PAPOLG: variants seen among roughly 807,000 people sequenced by gnomAD.
PAPOLG encodes the protein poly(A) polymerase gamma, also known as PAP-gamma.
PAPOLG carries 40 observed loss-of-function variants against 99.0 expected under a neutral mutation model. The observed-to-expected ratio is 0.40, with a 90% CI of 0.31 to 0.53. The LOEUF (loss-of-function observed/expected upper bound fraction) is 0.53. PAPOLG is among the 20% of genes least tolerant of loss of function. PAPOLG has a pLI of 0.41. For synonymous variants in PAPOLG, 310 were observed against 299.3 expected (o/e 1.04, Z -0.37); for missense variants, 675 against 884.1 (o/e 0.76, Z 3.00).
At chr2:60,759,847 G>A (rs767649713) in intron 1 of PAPOLG, among the ~76,000 whole-genome samples, 5 of 152,198 alleles carry the variant, frequency 3.3e-5, no homozygotes, top group Non-Finnish European at 7.3e-5. Context: ...CAAACTCTGG[G>A]TTTGAGCTGA....
At chr2:60,780,348 T>C (rs1016824030) in intron 9 of PAPOLG, among the ~76,000 whole-genome samples, 1 of 150,746 alleles carries the variant, frequency 6.6e-6, no homozygotes, top group South Asian at 2.1e-4. Flanking sequence ...GCATCTCAGC[T>C]CACTGCAGCC....
chr2:60,772,386 G>T (rs1205360242), intron 7 of PAPOLG, among the ~76,000 whole-genome samples: 3 of 151,330 alleles, frequency 2.0e-5, no homozygotes, highest in Non-Finnish European at 2.9e-5. Context: ...GGTGGAGGCT[G>T]CAGTGAGCCG....
At chr2:60,760,543 A>G (rs1670493481) in intron 2 of PAPOLG, among the ~76,000 whole-genome samples, 2 of 152,324 alleles carry the variant, frequency 1.3e-5, no homozygotes, top group South Asian at 4.1e-4. Flanking sequence ...CTGAGGGGGT[A>G]GAGGTTTCAG....
At chr2:60,789,759 G>A (rs1314898900) in intron 15 of PAPOLG, among the ~76,000 whole-genome samples, 1 of 152,142 alleles carries the variant, frequency 6.6e-6, no homozygotes, top group Admixed American at 6.5e-5. Context: ...TGGGTTTTCT[G>A]AATTCTTTTG....
At chr2:60,790,075 CAA>C (rs1558714701) in intron 15 of PAPOLG, among the ~76,000 whole-genome samples, 1 of 152,138 alleles carries the variant, frequency 6.6e-6, no homozygotes, top group Non-Finnish European at 1.5e-5. Context: ...GCCTGGGCAA[CAA>C]GAGCGAAACT....
At chr2:60,788,828 T>A (rs143708762) in intron 15 of PAPOLG, among the ~76,000 whole-genome samples, 1,550 of 151,934 alleles carry the variant, frequency 0.01, 43 homozygotes, top group African/African-American at 0.035. Context: ...AAACCCCATC[T>A]CTACAAAAAA....
intron 21 of PAPOLG, among the ~76,000 whole-genome samples, chr2:60,796,731 T>G (rs1007356690): frequency 4.2e-4 from 64 of 150,746 alleles, no homozygotes; most frequent in African/African-American, 1.5e-3. Context: ...CTTTTTTTTT[T>G]CTTTGCTTGA....
chr2:60,764,090 A>ACCAT (rs897945668), intron 3 of PAPOLG, among the ~76,000 whole-genome samples: 35 of 152,322 alleles, frequency 2.3e-4, no homozygotes, highest in Admixed American at 6.5e-4. Context: ...GGCATGAGCC[A>ACCAT]CCATGCCCTG....
intron 21 of PAPOLG, among the ~76,000 whole-genome samples, chr2:60,796,498 G>A: frequency 6.6e-6 from 1 of 151,924 alleles, no homozygotes; most frequent in East Asian, 1.9e-4. Flanking sequence ...TCAAACCGAT[G>A]TCCCTGAATT....
At chr2:60,766,288 A>AT (rs1670672347) in intron 3 of PAPOLG, among the ~76,000 whole-genome samples, 1 of 152,220 alleles carries the variant, frequency 6.6e-6, no homozygotes, top group Non-Finnish European at 1.5e-5. Flanking sequence ...AGGAAAAAAA[A>AT]GCTTGTTAGG....
chr2:60,756,518 T>TG, intron 1 of PAPOLG, 23 bp downstream of exon 1: 2 of 1,262,108 alleles, frequency 1.6e-6, no homozygotes, highest in Non-Finnish European at 2.2e-6. Flanking sequence ...GGGCGGCGGT[T>TG]GGGGTGAGGC....
At position 60,760,278 on chromosome 2, in the gene PAPOLG, G is replaced by A. The variant is rs772400157; in HGVS notation, c.162G>A (p.Glu54=). 2 of 1,612,868 alleles carry A rather than the reference G, an allele frequency of 1.2e-6. No individual in the cohort carries two copies. Among genetic ancestry groups the A allele is most frequent in the South Asian group, 2.2e-5 (2 of 90,916 alleles). The change falls in exon 2 of 22, where the codon GAG becomes GAA. Residue 54 remains glutamate, a synonymous_variant. Coordinates refer to ENST00000238714, the MANE Select transcript of PAPOLG (RefSeq NM_022894.4). ...AACCATTTGGAGTGTTTGAAGATGA[G>A]GAAGAATTGAACCACAGGTATGTCA... is the stretch of plus-strand genomic sequence containing the variant. ...AMKPFGVFED[E]EELNHRLVVL...
At chr2:60,795,049 A>G (rs1472881878) in intron 21 of PAPOLG, 29 bp downstream of exon 21, 2 of 1,557,812 alleles carry the variant, frequency 1.3e-6, no homozygotes, top group African/African-American at 1.4e-5. Flanking sequence ...TCATAGGTAC[A>G]GTACATAGGT....
intron 16 of PAPOLG, 71 bp from the exon 17 acceptor site, chr2:60,792,058 C>G (rs1230513719): frequency 6.6e-7 from 1 of 1,506,794 alleles, no homozygotes; most frequent in Non-Finnish European, 8.9e-7. Context: ...CTTAAGTGAC[C>G]TTCAGAATTG....
intron 9 of PAPOLG, 165 bp from the exon 10 acceptor site, chr2:60,780,542 C>T (rs1464228778): frequency 4.9e-6 from 1 of 203,794 alleles, no homozygotes; most frequent in African/African-American, 2.4e-5. Flanking sequence ...TCCCAGAGTA[C>T]TGGGATTACA....
intron 3 of PAPOLG, among the ~76,000 whole-genome samples, chr2:60,766,306 G>A (rs547615519): frequency 2.0e-5 from 3 of 152,204 alleles, no homozygotes; most frequent in Non-Finnish European, 2.9e-5. Context: ...AGGGAGTAAG[G>A]ATAACCAGGG....
At chr2:60,771,478 G>A in intron 6 of PAPOLG, 41 bp from the exon 7 acceptor site, 2 of 1,564,770 alleles carry the variant, frequency 1.3e-6, no homozygotes, top group South Asian at 1.2e-5. Flanking sequence ...ATTAAAAGGA[G>A]AAAATGTAAT....
At chr2:60,760,084 T>C (rs1294813917) in intron 1 of PAPOLG, 50 bp from the exon 2 acceptor site, 3 of 1,545,708 alleles carry the variant, frequency 1.9e-6, no homozygotes, top group East Asian at 2.3e-5. Context: ...TGTATCAGTA[T>C]GGTATATACT....
intron 15 of PAPOLG, among the ~76,000 whole-genome samples, chr2:60,790,449 T>C (rs1344671612): frequency 6.6e-6 from 1 of 152,206 alleles, no homozygotes; most frequent in East Asian, 1.9e-4. Context: ...ATTGAGTATA[T>C]TTACAATTAA....
Sources: gnomAD v4.1 joint callset for allele counts (sites outside exome capture counted in the v4.1 genomes callset) on GRCh38, gnomAD v4.1.1 for gene constraint, MANE v1.5 for transcripts, NCBI Gene and HGNC (gene_info 2026-07-23, HGNC 2026-07-21) for gene names.